Variants in ACER3 observed in about 807,000 individuals in gnomAD.
The protein encoded by ACER3 is alkaline ceramidase 3.
A neutral mutation model predicts 48.9 loss-of-function variants in ACER3; 16 were observed. The ratio of observed to expected loss-of-function variants is 0.33; its 90% CI spans 0.22 to 0.50. ACER3 has a LOEUF of 0.50. Among genes scored for constraint, ACER3 ranks in the 20% least tolerant of loss-of-function variants. The pLI, the probability that ACER3 is intolerant of heterozygous loss-of-function variation, is 0.98. For missense variants in ACER3, 227 were observed against 326.0 expected (o/e 0.70, Z 2.34); for synonymous variants, 109 against 107.8 (o/e 1.01, Z -0.07).
At chr11:76,917,855 G>A (rs1225298590) in intron 1 of ACER3, among the ~76,000 whole-genome samples, 4 of 85,344 alleles carry the variant, frequency 4.7e-5, no homozygotes, top group African/African-American at 8.4e-5. Context: ...GAGAGACCCT[G>A]TCTCAAAAAA....
At chr11:76,950,960 T>C (rs976394722) in intron 2 of ACER3, among the ~76,000 whole-genome samples, 45 of 152,226 alleles carry the variant, frequency 3.0e-4, no homozygotes, top group Non-Finnish European at 5.7e-4. Context: ...TGAAAATATG[T>C]TTGATTCTAA....
chr11:76,906,472 A>C (rs1297948046), intron 1 of ACER3, among the ~76,000 whole-genome samples: 1 of 152,194 alleles, frequency 6.6e-6, no homozygotes, highest in Non-Finnish European at 1.5e-5. Context: ...CTATGATTGT[A>C]TCTCCAACCA....
intron 2 of ACER3, among the ~76,000 whole-genome samples, chr11:76,948,464 A>G (rs1782930847): frequency 6.6e-6 from 1 of 152,156 alleles, no homozygotes. Context: ...ACTGCACTCT[A>G]CTACCCCTCT....
rs371792878 is a variant in ACER3, at chr11:77,017,491, A to G, written c.704+712A>G. On this transcript the variant is annotated intron_variant, in intron 9 of 10. Coordinates refer to ENST00000532485, the MANE Select transcript of ACER3 (RefSeq NM_018367.7). ...TTAAGCAAAACGCAAACAAATGAAA[A>G]GACATCCTGTATTCATGGATTAAAA... Among the ~76,000 whole-genome samples, 40 of 152,374 alleles carry G rather than the reference A, an allele frequency of 2.6e-4. No individual in the cohort carries two copies. In the South Asian group the frequency reaches 7.9e-3, roughly 30 times the overall value.
chr11:76,966,914 A>G (rs1487460194), intron 3 of ACER3, among the ~76,000 whole-genome samples: 3 of 151,966 alleles, frequency 2.0e-5, no homozygotes, highest in Non-Finnish European at 4.4e-5. Flanking sequence ...AAGCAAGAGC[A>G]AACACATTCA....
chr11:76,993,727 T>C (rs1948852014), intron 6 of ACER3, among the ~76,000 whole-genome samples: 1 of 152,208 alleles, frequency 6.6e-6, no homozygotes, highest in African/African-American at 2.4e-5. Context: ...GTTTTGGGAT[T>C]CCACCTCATA....
At chr11:76,907,355 TG>T (rs142296852) in intron 1 of ACER3, among the ~76,000 whole-genome samples, 60,701 of 152,094 alleles carry the variant, frequency 0.4, 14,830 homozygotes, top group Non-Finnish European at 0.56. Flanking sequence ...GCAAATTTAT[TG>T]TGAAACTAGT....
At chr11:76,893,201 A>C (rs1256837137) in intron 1 of ACER3, among the ~76,000 whole-genome samples, 1 of 152,112 alleles carries the variant, frequency 6.6e-6, no homozygotes, top group African/African-American at 2.4e-5. Context: ...AGAAGAATTA[A>C]TATTGCTAAA....
chr11:77,014,117 T>C (rs1949320240), intron 7 of ACER3, among the ~76,000 whole-genome samples: 1 of 152,210 alleles, frequency 6.6e-6, no homozygotes, highest in Admixed American at 6.5e-5. Context: ...TTTAATAGTT[T>C]AAATGTAAGT....
At chr11:76,980,671 C>A (rs1281834662) in intron 4 of ACER3, among the ~76,000 whole-genome samples, 1 of 151,660 alleles carries the variant, frequency 6.6e-6, no homozygotes, top group Non-Finnish European at 1.5e-5. Context: ...AGAGCAAGAC[C>A]CTGTCTCAAA....
chr11:76,964,124 A>C (rs1948073268), intron 3 of ACER3, among the ~76,000 whole-genome samples: 1 of 151,428 alleles, frequency 6.6e-6, no homozygotes, highest in Non-Finnish European at 1.5e-5. Context: ...CTAATACTGC[A>C]CTTTCCCAAT....
intron 2 of ACER3, among the ~76,000 whole-genome samples, chr11:76,954,964 C>T (rs1317106714): frequency 1.3e-5 from 2 of 152,158 alleles, no homozygotes; most frequent in African/African-American, 4.8e-5. Flanking sequence ...TTCTCTTGTA[C>T]ACTCACTTAT....
chr11:76,885,469 A>G (rs1414326259), intron 1 of ACER3, among the ~76,000 whole-genome samples: 3 of 152,128 alleles, frequency 2.0e-5, no homozygotes. Flanking sequence ...AGAAGTTTTT[A>G]TACTCAGTTT....
chr11:76,944,796 T>C (rs1947431811), intron 2 of ACER3, among the ~76,000 whole-genome samples: 1 of 152,162 alleles, frequency 6.6e-6, no homozygotes, highest in African/African-American at 2.4e-5. Context: ...TTAAATATGT[T>C]TTCTGAACTT....
At chr11:76,941,689 G>A (rs1482131155) in intron 2 of ACER3, among the ~76,000 whole-genome samples, 1 of 151,832 alleles carries the variant, frequency 6.6e-6, no homozygotes, top group Non-Finnish European at 1.5e-5. Flanking sequence ...TAATTTTGTG[G>A]AAAATGATGA....
intron 1 of ACER3, among the ~76,000 whole-genome samples, chr11:76,923,356 C>G (rs1254213344): frequency 6.6e-6 from 1 of 152,136 alleles, no homozygotes; most frequent in African/African-American, 2.4e-5. Context: ...CATTTCTCCC[C>G]CAGCAACCAC....
intron 3 of ACER3, among the ~76,000 whole-genome samples, chr11:76,963,065 G>GCACAGATAAGC (rs984232805): frequency 9.3e-5 from 14 of 151,342 alleles, no homozygotes; most frequent in Non-Finnish European, 2.9e-5. Context: ...CAGTGCACCT[G>GCACAGATAAGC]CACAGATAAG....
rs574243299 is a variant in ACER3 at position 76,981,153 on chromosome 11, A to T, written c.321-4490A>T. On this transcript the variant is annotated intron_variant, in intron 4 of 10. Transcript: ENST00000532485. ...TCATAGTGAATTAAACATAAGTTTC[A>T]TCATTGCTACCACCTCAGAGTATAA... 2.9e-4 allele frequency among the ~76,000 whole-genome samples: 44 copies of T among 152,348 alleles called. No individual in the cohort carries two copies. In the South Asian group the frequency reaches 8.7e-3, roughly 30 times the overall value.
chr11:76,953,549 G>C (rs905057493), intron 2 of ACER3, among the ~76,000 whole-genome samples: 6 of 152,144 alleles, frequency 3.9e-5, no homozygotes, highest in Non-Finnish European at 7.3e-5. Flanking sequence ...AGTGAGCCAA[G>C]ATTGCGCCAT....
Sources: gnomAD v4.1 joint callset for allele counts (sites outside exome capture counted in the v4.1 genomes callset) on GRCh38, gnomAD v4.1.1 for gene constraint, MANE v1.5 for transcripts, NCBI Gene and HGNC (gene_info 2026-07-23, HGNC 2026-07-21) for gene names.